The following EYA1 variants were observed in gnomAD, a reference collection of about 807,000 sequenced individuals.
EYA1 encodes the protein EYA transcriptional coactivator and phosphatase 1, also known as protein phosphatase EYA1.
Under a neutral mutation model 82.0 loss-of-function variants are expected in EYA1, and 16 were observed. The ratio of observed to expected loss-of-function variants is 0.20; its 90% CI spans 0.13 to 0.30. EYA1 has a LOEUF of 0.30. EYA1 is among the 10% of genes least tolerant of loss of function. The pLI is 1.00. For missense variants in EYA1, 633 were observed against 730.7 expected (o/e 0.87, Z 1.54); for synonymous variants, 261 against 264.4 (o/e 0.99, Z 0.12).
Position 71,228,438 on chromosome 8 carries a change from G to C in EYA1, c.1141-11415C>G, listed in dbSNP as rs541211812. On this transcript the variant is annotated intron_variant, in intron 12 of 17. Coordinates refer to ENST00000340726, the MANE Select transcript of EYA1 (RefSeq NM_000503.6). ...GGGTGTTAAAAGGGGAAATGGAGTT[G>C]GCTGCCCGAAAGGAAAAAAAAAAGG... 1.5e-3 allele frequency among the ~76,000 whole-genome samples: 230 copies of C among 151,818 alleles called. 1 individual carries two copies. Among genetic ancestry groups the C allele is most frequent in the Non-Finnish European group, 2.3e-3 (153 of 67,970 alleles).
intron 2 of EYA1, among the ~76,000 whole-genome samples, chr8:71,399,858 A>G (rs951291102): frequency 2.0e-5 from 3 of 152,202 alleles, no homozygotes; most frequent in Non-Finnish European, 4.4e-5. Context: ...CTAAGCAAAA[A>G]GAACAAAGCT....
intron 2 of EYA1, among the ~76,000 whole-genome samples, chr8:71,407,231 C>G (rs1215104640): frequency 6.9e-6 from 1 of 145,536 alleles, no homozygotes; most frequent in Non-Finnish European, 1.5e-5. Flanking sequence ...TGTACATCAC[C>G]ATCATCAAAG....
At chr8:71,498,201 G>A (rs1032607432) in intron 2 of EYA1, among the ~76,000 whole-genome samples, 5 of 152,138 alleles carry the variant, frequency 3.3e-5, no homozygotes, top group Non-Finnish European at 7.4e-5. Context: ...TGGATGTAGA[G>A]TGTTCTCACC....
chr8:71,241,660 T>C (rs1812491393), intron 12 of EYA1, among the ~76,000 whole-genome samples: 1 of 152,198 alleles, frequency 6.6e-6, no homozygotes, highest in African/African-American at 2.4e-5. Context: ...CTATAGACCT[T>C]ACAAAGCTAA....
In EYA1 at chr8:71,421,258, T is replaced by C. The variant is rs76538446; in HGVS notation, c.34-64747A>G. 4.3e-4 allele frequency among the ~76,000 whole-genome samples: 66 copies of C among 152,302 alleles called. No individual in the cohort carries two copies. In the East Asian group the frequency reaches 0.012, roughly 27 times the overall value. ...TTGGTGCTGTTGCAAGGAATCCCCC[T>C]GAAACTTAGATGAATGTTTCTCTTG... On this transcript the variant is annotated intron_variant, in intron 2 of 18. Coordinates refer to the EYA1 transcript ENST00000643681.
intron 2 of EYA1, among the ~76,000 whole-genome samples, chr8:71,407,064 C>T (rs1219685809): frequency 1.9e-5 from 2 of 107,044 alleles, no homozygotes; most frequent in African/African-American, 6.2e-5. Flanking sequence ...GGGTCCCTGA[C>T]CCCTGACCCC....
chr8:71,476,010 C>T (rs540721400), intron 2 of EYA1, among the ~76,000 whole-genome samples: 3 of 152,246 alleles, frequency 2.0e-5, no homozygotes, highest in South Asian at 4.1e-4. Flanking sequence ...AAATTATCTT[C>T]GTCTTTCCAA....
At chr8:71,344,962 T>C (rs1395246991) in intron 3 of EYA1, among the ~76,000 whole-genome samples, 1 of 152,166 alleles carries the variant, frequency 6.6e-6, no homozygotes, top group African/African-American at 2.4e-5. Context: ...CCACATTGAG[T>C]ATTAATGGAA....
intron 3 of EYA1, among the ~76,000 whole-genome samples, chr8:71,352,068 G>A (rs1164399368): frequency 6.6e-6 from 1 of 152,080 alleles, no homozygotes; most frequent in African/African-American, 2.4e-5. Flanking sequence ...AGTTAGGGGA[G>A]GTGATTGACA....
At chr8:71,532,658 G>T (rs149416075) in intron 2 of EYA1, among the ~76,000 whole-genome samples, 74 of 152,200 alleles carry the variant, frequency 4.9e-4, no homozygotes, top group African/African-American at 1.5e-3. Context: ...AAGATCAAAG[G>T]TCCGATTCCT....
intron 2 of EYA1, among the ~76,000 whole-genome samples, chr8:71,395,572 C>A (rs1168388274): frequency 1.3e-5 from 2 of 152,042 alleles, no homozygotes; most frequent in East Asian, 1.9e-4. Flanking sequence ...GTCTTTGGTT[C>A]TGTTTATATG....
chr8:71,211,700 T>G (rs986863118), intron 16 of EYA1, among the ~76,000 whole-genome samples: 12 of 152,208 alleles, frequency 7.9e-5, no homozygotes, highest in Non-Finnish European at 1.2e-4. Flanking sequence ...AAATATCTGA[T>G]CCAAAGACTA....
intron 7 of EYA1, among the ~76,000 whole-genome samples, chr8:71,309,184 TTGATA>T (rs1821059703): frequency 6.6e-6 from 1 of 152,212 alleles, no homozygotes; most frequent in Non-Finnish European, 1.5e-5. Context: ...TTTACCTGTC[TTGATA>T]TATTTCTATA....
In EYA1 at chr8:71,331,245, T is replaced by TACAC. The variant is rs147776263; in HGVS notation, c.202+2848_202+2851dup. ...CTCTGTCTCTAAATAAATAAATAAATACACACACACACACACACACACACA... is the reference window on the plus strand; with the variant it reads ...CTCTGTCTCTAAATAAATAAATAAATACACACACACACACACACACACACACACA... On this transcript the variant is annotated intron_variant, in intron 4 of 17. Transcript: ENST00000340726. Among the ~76,000 whole-genome samples, 307 of 136,534 alleles carry TACAC rather than the reference T, an allele frequency of 2.2e-3. 2 individuals carry two copies. Among genetic ancestry groups the TACAC allele is most frequent in the African/African-American group, 5.6e-3 (201 of 35,830 alleles). The allele number at this position is 136,534 out of a possible 152,430, so 89.6% of individuals were successfully genotyped here.
chr8:71,345,495 C>T (rs1825596787), intron 3 of EYA1, among the ~76,000 whole-genome samples: 1 of 152,186 alleles, frequency 6.6e-6, no homozygotes, highest in Non-Finnish European at 1.5e-5. Context: ...GGCTTCAGGA[C>T]TCTTGGCTCC....
In EYA1 at chr8:71,361,935, A is replaced by G; in HGVS notation, c.-343T>C. On this transcript the variant is annotated 5_prime_UTR_variant, in exon 1 of 18. Coordinates refer to ENST00000340726, the MANE Select transcript of EYA1 (RefSeq NM_000503.6). ...ACAGTGGACGGCAACAGGAAGGCTT[A>G]AAGTCGGAAGTGGCACTGGAGAGTT... The G allele has an allele frequency of 1.0e-6, 1 of 985,442 alleles. No homozygotes were observed. Among genetic ancestry groups the G allele is most frequent in the African/African-American group, 1.7e-5 (1 of 57,356 alleles). 61.0% of individuals were successfully genotyped at this position (985,442 alleles called of 1,614,324 possible). A position where few individuals can be genotyped will look rare whatever the true frequency, so the allele number is the denominator to read the frequency against.
intron 11 of EYA1, among the ~76,000 whole-genome samples, chr8:71,263,652 A>G (rs1446541238): frequency 6.6e-6 from 1 of 152,202 alleles, no homozygotes; most frequent in East Asian, 1.9e-4. Context: ...CAAAGCTCAG[A>G]GCATCACCTA....
chr8:71,435,029 T>C (rs6993604), intron 2 of EYA1, among the ~76,000 whole-genome samples: 110,390 of 152,040 alleles, frequency 0.73, 41,379 homozygotes, highest in African/African-American at 0.84. Context: ...CAAAAAAATA[T>C]GCAGTTCTGA....
At chr8:71,337,341 C>T (rs957985290) in intron 3 of EYA1, among the ~76,000 whole-genome samples, 12 of 152,170 alleles carry the variant, frequency 7.9e-5, no homozygotes, top group Non-Finnish European at 1.8e-4. Context: ...ACACGAGTCT[C>T]TTTTTCTACC....
Sources: gnomAD v4.1 joint callset for allele counts (sites outside exome capture counted in the v4.1 genomes callset) on GRCh38, gnomAD v4.1.1 for gene constraint, MANE v1.5 for transcripts, NCBI Gene and HGNC (gene_info 2026-07-23, HGNC 2026-07-21) for gene names.